ZDHHC11: variants seen among roughly 807,000 people sequenced by gnomAD.
The protein encoded by ZDHHC11 is zDHHC palmitoyltransferase 11.
A neutral mutation model predicts 51.3 loss-of-function variants in ZDHHC11; 44 were observed. The observed-to-expected ratio is 0.86, with a 90% CI of 0.67 to 1.10. ZDHHC11 has a LOEUF of 1.10. Among genes scored for constraint, ZDHHC11 ranks in the 50% least tolerant of loss-of-function variants. The pLI is 0.00. For missense variants in ZDHHC11, 400 were observed against 537.7 expected (o/e 0.74, Z 2.53); for synonymous variants, 163 against 222.0 (o/e 0.73, Z 2.36).
chr5:806,036 T>A (rs1227002514), intron 11 of ZDHHC11, among the ~76,000 whole-genome samples: 1 of 150,840 alleles, frequency 6.6e-6, no homozygotes, highest in Non-Finnish European at 1.5e-5. Context: ...ACACCAGAGG[T>A]GTGGCAGGTG....
At chr5:856,086 G>A (rs534620222) in intron 1 of ZDHHC11, among the ~76,000 whole-genome samples, 65 of 152,194 alleles carry the variant, frequency 4.3e-4, no homozygotes, top group Non-Finnish European at 7.2e-4. Context: ...CTTCCCCTCA[G>A]GCCCACGCTC....
Position 812,723 on chromosome 5 carries a change from T to C in ZDHHC11, c.1181+2038A>G, listed in dbSNP as rs1194729033. Among the ~76,000 whole-genome samples, 7 of 151,582 alleles carry C rather than the reference T, an allele frequency of 4.6e-5. 1 individual carries two copies. Among genetic ancestry groups the C allele is most frequent in the Middle Eastern group, 3.4e-3 (1 of 294 alleles). On this transcript the variant is annotated intron_variant, in intron 11 of 12. Coordinates refer to ENST00000283441, the MANE Select transcript of ZDHHC11 (RefSeq NM_024786.3). The stretch of plus-strand genomic sequence containing the variant: ...ACAATATTGTCAGTATCTGACAACC[T>C]TGGCACAAAGGTGCTTCTTGCAATT...
At position 845,887 on chromosome 5, in the gene ZDHHC11, G is replaced by A. The variant is rs575009743; in HGVS notation, c.503+1627C>T. 2.9e-3 allele frequency among the ~76,000 whole-genome samples: 427 copies of A among 149,710 alleles called. 9 individuals carry two copies. The highest frequency in any genetic ancestry group is 0.01 in the African/African-American group (403 of 39,082). The stretch of plus-strand genomic sequence containing the variant: ...CGGTGTCTACACTTGGCACCCACGT[G>A]GTCCCTCTCCAGCACCCCTCCTGAG... On this transcript the variant is annotated intron_variant, in intron 3 of 12. Transcript: ENST00000283441.
upstream of ZDHHC11, among the ~76,000 whole-genome samples, chr5:859,187 C>T (rs761716673): frequency 6.6e-6 from 1 of 152,126 alleles, no homozygotes; most frequent in Non-Finnish European, 1.5e-5. Context: ...TACAAAAAAA[C>T]AGGACGTACT....
chr5:853,333 G>A (rs1444179421), upstream of ZDHHC11, among the ~76,000 whole-genome samples: 45 of 114,408 alleles, frequency 3.9e-4, no homozygotes, highest in African/African-American at 1.3e-3. Context: ...CACAGACCCC[G>A]CAGAGGACAG....
intron 7 of ZDHHC11, among the ~76,000 whole-genome samples, chr5:831,480 G>A (rs1334665998): frequency 6.7e-6 from 1 of 149,058 alleles, no homozygotes; most frequent in African/African-American, 2.5e-5. Flanking sequence ...GTACTTGGGA[G>A]CCTGATGCAG....
At chr5:812,736 G>A (rs1226028704) in intron 11 of ZDHHC11, among the ~76,000 whole-genome samples, 1 of 151,384 alleles carries the variant, frequency 6.6e-6, no homozygotes, top group African/African-American at 2.4e-5. Flanking sequence ...GCACAAAGGT[G>A]CTTCTTGCAA....
intron 7 of ZDHHC11, among the ~76,000 whole-genome samples, chr5:829,741 C>T (rs1425927454): frequency 1.3e-5 from 2 of 151,474 alleles, no homozygotes; most frequent in Non-Finnish European, 2.9e-5. Context: ...AAATCCTCAA[C>T]AAAATACTAG....
At chr5:840,904 C>A (rs1209729659) in intron 4 of ZDHHC11, 2 of 1,420,214 alleles carry the variant, frequency 1.4e-6, no homozygotes, top group Admixed American at 2.8e-5. Context: ...GTGCCGGGGT[C>A]ACAGTGCCCA....
intron 12 of ZDHHC11, among the ~76,000 whole-genome samples, chr5:800,221 G>A (rs1329667770): frequency 6.6e-6 from 1 of 150,828 alleles, no homozygotes; most frequent in Non-Finnish European, 1.5e-5. Flanking sequence ...GGCTTTTGAT[G>A]TTTTGCCCGA....
Position 847,519 on chromosome 5 carries a change from A to G in ZDHHC11, c.498T>C (p.Asn166=), listed in dbSNP as rs1486083644. The change falls in exon 3 of 13, where the codon AAT becomes AAC. Residue 166 remains asparagine (N), a synonymous_variant. Transcript: ENST00000283441. ...ATCCCCTCTGTGCCCCTCACCAATA[A>G]TTCCGGCTTCCCACGCAGTTGTTGA... The part of the protein sequence containing the change: ...KWINNCVGSR[N]YWFFFSTVAS... 6 of 1,199,268 alleles carry G rather than the reference A, an allele frequency of 5.0e-6. No homozygotes were observed. Among genetic ancestry groups the G allele is most frequent in the Non-Finnish European group, 7.1e-6 (6 of 847,214 alleles). 74.3% of individuals were successfully genotyped at this position (1,199,268 alleles called of 1,614,324 possible).
intron 6 of ZDHHC11, 96 bp downstream of exon 6, chr5:837,269 C>G: frequency 7.1e-7 from 1 of 1,414,844 alleles, no homozygotes; most frequent in Non-Finnish European, 1.0e-6. Flanking sequence ...TGCATCGGCC[C>G]TGAAGTAAAG....
At chr5:828,342 T>A (rs892551399) in intron 7 of ZDHHC11, among the ~76,000 whole-genome samples, 4 of 150,812 alleles carry the variant, frequency 2.7e-5, no homozygotes, top group African/African-American at 9.8e-5. Context: ...ACCTCCCAGA[T>A]GCGGCAGCTG....
chr5:819,797 G>A (rs1476390723), intron 9 of ZDHHC11, among the ~76,000 whole-genome samples, 185 bp from the exon 10 acceptor site: 2 of 151,296 alleles, frequency 1.3e-5, no homozygotes, highest in African/African-American at 4.8e-5. Flanking sequence ...GTGGGAAACA[G>A]AAGGAGCTTC....
At chr5:798,422 C>A (rs1301373952) in intron 12 of ZDHHC11, among the ~76,000 whole-genome samples, 1 of 151,546 alleles carries the variant, frequency 6.6e-6, no homozygotes, top group Non-Finnish European at 1.5e-5. Context: ...CGCGTGCACA[C>A]ACACACCCTT....
At position 825,223 on chromosome 5, in the gene ZDHHC11, G is replaced by C. The variant is rs2335582; in HGVS notation, c.964C>G (p.His322Asp). ...GTGCAGAAGTGACATAAGTGCTTGT[G>C]AATCAGCAGGGAGCTCTTGGCTTTG... Reference protein sequence around the residue: ...GVKAKSSLLIHKHLCHFCTSV... With the variant: ...GVKAKSSLLIDKHLCHFCTSV... The change falls in exon 8 of 13, where the codon CAC (histidine) becomes GAC (aspartate). Residue 322 changes from histidine to aspartate, a missense_variant. Coordinates refer to ENST00000283441, the MANE Select transcript of ZDHHC11 (RefSeq NM_024786.3). 6.2e-7 allele frequency: 1 copy of C among 1,612,130 alleles called. No individual in the cohort carries two copies. The highest frequency in any genetic ancestry group is 8.5e-7 in the Non-Finnish European group (1 of 1,178,880).
chr5:859,374 C>G (rs1038736767), upstream of ZDHHC11, among the ~76,000 whole-genome samples: 4 of 152,102 alleles, frequency 2.6e-5, no homozygotes, highest in African/African-American at 9.7e-5. Context: ...GCTCTTAAGT[C>G]AAATACCTGA....
chr5:804,303 A>C (rs1228289278), intron 11 of ZDHHC11, among the ~76,000 whole-genome samples: 12 of 151,286 alleles, frequency 7.9e-5, no homozygotes, highest in Non-Finnish European at 1.3e-4. Context: ...CTGTATACAC[A>C]ATCTGCCCAT....
chr5:845,867 T>C (rs890498208), intron 3 of ZDHHC11, among the ~76,000 whole-genome samples: 2 of 149,326 alleles, frequency 1.3e-5, no homozygotes, highest in African/African-American at 5.2e-5. Flanking sequence ...CCAGGCGGTG[T>C]CTACACTTGG....
Sources: allele counts gnomAD v4.1 joint callset (sites outside exome capture counted in the v4.1 genomes callset), GRCh38; gene constraint gnomAD v4.1.1; transcripts MANE v1.5; gene names NCBI Gene and HGNC (gene_info 2026-07-23, HGNC 2026-07-21).